DPRX: variants seen among roughly 807,000 people sequenced by gnomAD.
DPRX encodes the protein divergent paired-related homeobox.
DPRX carries 11 observed loss-of-function variants against 8.4 expected under a neutral mutation model. The observed-to-expected ratio is 1.31, with a 90% CI of 0.82 to 2.17. The LOEUF is 2.17. Ranked by LOEUF, DPRX falls within the 30% of genes most tolerant of loss-of-function variation. The probability of loss-of-function intolerance (pLI) is 0.00; values close to 1 mark genes in which losing one functional copy is unlikely to be tolerated. For synonymous variants in DPRX, 72 were observed against 87.0 expected (o/e 0.83, Z 0.96); for missense variants, 211 against 236.7 (o/e 0.89, Z 0.71).
At chr19:53,612,701 G>A in the DPRX span, among the ~76,000 whole-genome samples, 9 of 151,678 alleles carry the variant, frequency 5.9e-5, no homozygotes, top group Non-Finnish European at 1.2e-4. Context: ...AGTGAGACTC[G>A]GTCTCAAAAA....
chr19:53,619,869 A>G, the DPRX span, among the ~76,000 whole-genome samples: 2 of 151,272 alleles, frequency 1.3e-5, no homozygotes, highest in Non-Finnish European at 2.9e-5. Context: ...AAAAAAAAAA[A>G]AAAGGATAAG....
intron 1 of DPRX, among the ~76,000 whole-genome samples, chr19:53,632,534 C>T (rs1371379969): frequency 6.6e-6 from 1 of 151,814 alleles, no homozygotes; most frequent in Non-Finnish European, 1.5e-5. Flanking sequence ...TGGTCTCGAA[C>T]TCCTGACCTT....
At chr19:53,618,818 G>T in the DPRX span, among the ~76,000 whole-genome samples, 1 of 151,816 alleles carries the variant, frequency 6.6e-6, no homozygotes, top group Non-Finnish European at 1.5e-5. Context: ...AAGTAGCTGG[G>T]ATTACAGGCA....
chr19:53,622,193 T>C, the DPRX span, among the ~76,000 whole-genome samples: 3 of 152,204 alleles, frequency 2.0e-5, no homozygotes, highest in Non-Finnish European at 4.4e-5. Flanking sequence ...TGGTATTTAT[T>C]AGAGGAAAAC....
At chr19:53,602,595 G>A in the DPRX span, among the ~76,000 whole-genome samples, 24 of 150,258 alleles carry the variant, frequency 1.6e-4, no homozygotes, top group South Asian at 2.1e-4. Context: ...GTGCAGTGGC[G>A]TGATCTTGGC....
chr19:53,611,276 A>AT, the DPRX span, among the ~76,000 whole-genome samples: 2 of 150,644 alleles, frequency 1.3e-5, no homozygotes, highest in East Asian at 2.0e-4. Context: ...ATTTTTTTAA[A>AT]TTTTTTTTTG....
the DPRX span, among the ~76,000 whole-genome samples, chr19:53,620,228 C>T: frequency 6.6e-6 from 1 of 152,008 alleles, no homozygotes; most frequent in Non-Finnish European, 1.5e-5. Context: ...TGCCACCTTG[C>T]CCGGCTGTTT....
At chr19:53,607,774 C>T in the DPRX span, among the ~76,000 whole-genome samples, 1 of 151,730 alleles carries the variant, frequency 6.6e-6, no homozygotes, top group East Asian at 1.9e-4. Flanking sequence ...TCGCTTGAAC[C>T]CGGGAGGCAG....
intron 1 of DPRX, among the ~76,000 whole-genome samples, chr19:53,633,744 A>C (rs1472656327): frequency 6.6e-6 from 1 of 152,036 alleles, no homozygotes; most frequent in Non-Finnish European, 1.5e-5. Flanking sequence ...TCTTGACCTC[A>C]TGATCCGCCC....
the DPRX span, chr19:53,601,483 CTTTTTTT>C: frequency 3.2e-6 from 1 of 308,818 alleles, no homozygotes; most frequent in Non-Finnish European, 6.4e-6. Context: ...AATGCCTATT[CTTTTTTT>C]TTTTTTTTTG....
At chr19:53,612,329 G>A in the DPRX span, among the ~76,000 whole-genome samples, 4 of 152,116 alleles carry the variant, frequency 2.6e-5, no homozygotes, top group African/African-American at 4.8e-5. Flanking sequence ...GTTGCAGTGA[G>A]CTATGATCCT....
the DPRX span, among the ~76,000 whole-genome samples, chr19:53,626,378 C>A: frequency 1.3e-5 from 2 of 152,142 alleles, no homozygotes; most frequent in South Asian, 4.1e-4. Context: ...CACGCCCCAC[C>A]GTGAGACCCC....
chr19:53,611,023 C>A, the DPRX span, among the ~76,000 whole-genome samples: 19 of 151,956 alleles, frequency 1.3e-4, no homozygotes, highest in Non-Finnish European at 2.2e-4. Context: ...CTCCCTCAGC[C>A]TCCAAGTAGC....
At chr19:53,619,784 G>C in the DPRX span, among the ~76,000 whole-genome samples, 1 of 151,104 alleles carries the variant, frequency 6.6e-6, no homozygotes, top group South Asian at 2.1e-4. Flanking sequence ...GAACCTGGGA[G>C]GTGGAGATTG....
chr19:53,608,968 A>G, the DPRX span, among the ~76,000 whole-genome samples: 19 of 121,772 alleles, frequency 1.6e-4, no homozygotes, highest in African/African-American at 6.2e-4. Flanking sequence ...AAAAAAAAAA[A>G]AAAAAAGGAA....
the DPRX span, among the ~76,000 whole-genome samples, chr19:53,602,754 C>T: frequency 1.3e-5 from 2 of 151,652 alleles, no homozygotes; most frequent in Non-Finnish European, 2.9e-5. Flanking sequence ...AGGCTGATCT[C>T]GAACTCCTGA....
the DPRX span, among the ~76,000 whole-genome samples, chr19:53,625,709 C>T: frequency 6.6e-6 from 1 of 151,910 alleles, no homozygotes; most frequent in Non-Finnish European, 1.5e-5. Context: ...GTGATCTCAG[C>T]TCACTGCAAC....
the DPRX span, chr19:53,601,978 G>A: frequency 2.2e-6 from 1 of 454,908 alleles, no homozygotes; most frequent in East Asian, 7.0e-5. Context: ...GGGTGGTGTG[G>A]GGACATAAGG....
chr19:53,601,269 C>G, the DPRX span: 1 of 456,422 alleles, frequency 2.2e-6, no homozygotes, highest in Non-Finnish European at 4.4e-6. Flanking sequence ...ACTCACCAAT[C>G]AACATCCAGA....
Sources: gnomAD v4.1 joint callset for allele counts (sites outside exome capture counted in the v4.1 genomes callset) on GRCh38, gnomAD v4.1.1 for gene constraint, MANE v1.5 for transcripts, NCBI Gene and HGNC (gene_info 2026-07-23, HGNC 2026-07-21) for gene names.